NKAIN3: variants seen among roughly 807,000 people sequenced by gnomAD.
The protein encoded by NKAIN3 is sodium/potassium transporting ATPase interacting 3, also known as sodium/potassium-transporting ATPase subunit beta-1-interacting protein 3.
Under a neutral mutation model 30.2 loss-of-function variants are expected in NKAIN3, and 25 were observed. The observed-to-expected ratio is 0.83, with a 90% CI of 0.60 to 1.16. The LOEUF (loss-of-function observed/expected upper bound fraction) is 1.16, where lower values mean the gene tolerates loss of function less well. Among genes scored for constraint, NKAIN3 ranks in the 50% most tolerant of loss-of-function variants. The pLI, the probability that NKAIN3 is intolerant of heterozygous loss-of-function variation, is 0.00. For missense variants in NKAIN3, 225 were observed against 254.1 expected (o/e 0.89, Z 0.78); for synonymous variants, 91 against 89.6 (o/e 1.02, Z -0.09).
rs548023733 is a variant in NKAIN3 at position 62,977,340 on chromosome 8, T to C, written c.*11933T>C. ...CACTTTTAGGTACACCAATCAAACG[T>C]TGGCTTGGTCTTTTCACATAGTCCC... On this transcript the variant is annotated 3_prime_UTR_variant, in exon 7 of 7. Transcript: ENST00000623646. 2.6e-5 allele frequency among the ~76,000 whole-genome samples: 4 copies of C among 152,300 alleles called. No individual in the cohort carries two copies. The South Asian group carries it at 8.3e-4, about 32-fold the overall frequency.
chr8:62,586,010 A>T (rs1409168292), intron 2 of NKAIN3, among the ~76,000 whole-genome samples: 1 of 152,186 alleles, frequency 6.6e-6, no homozygotes, highest in Admixed American at 6.5e-5. Context: ...GAATTAGCAA[A>T]TTTGTTTAAC....
chr8:62,945,780 G>A (rs1307902216), intron 5 of NKAIN3, among the ~76,000 whole-genome samples: 2 of 152,140 alleles, frequency 1.3e-5, no homozygotes, highest in Admixed American at 1.3e-4. Flanking sequence ...GAGGATCCGA[G>A]ACAGAGTTGG....
intron 1 of NKAIN3, among the ~76,000 whole-genome samples, chr8:62,534,010 G>A (rs565655895): frequency 2.6e-5 from 4 of 152,112 alleles, no homozygotes; most frequent in Non-Finnish European, 4.4e-5. Context: ...GACTTCAGAC[G>A]CAACATTACC....
intron 1 of NKAIN3, among the ~76,000 whole-genome samples, chr8:62,415,586 T>G (rs1176837750): frequency 6.6e-6 from 1 of 151,048 alleles, no homozygotes; most frequent in Non-Finnish European, 1.5e-5. Context: ...AATTACAGGT[T>G]ACATATTACG....
intron 1 of NKAIN3, among the ~76,000 whole-genome samples, chr8:62,456,929 C>A (rs1444534836): frequency 1.3e-5 from 2 of 152,212 alleles, no homozygotes; most frequent in Non-Finnish European, 2.9e-5. Flanking sequence ...GTGCTCATGA[C>A]CTTTCTCGTT....
chr8:62,863,863 G>C, intron 4 of NKAIN3: 1 of 1,529,566 alleles, frequency 6.5e-7, no homozygotes, highest in Non-Finnish European at 9.1e-7. Context: ...AGCCACCTTT[G>C]CAGTAGTCCG....
intron 3 of NKAIN3, among the ~76,000 whole-genome samples, chr8:62,718,960 T>C (rs144469290): frequency 3.2e-4 from 48 of 152,302 alleles, no homozygotes; most frequent in Middle Eastern, 3.4e-3. Context: ...CGCACATAAA[T>C]AGATGATTTC....
At chr8:62,361,452 T>C (rs1279872407) in intron 1 of NKAIN3, among the ~76,000 whole-genome samples, 1 of 152,252 alleles carries the variant, frequency 6.6e-6, no homozygotes, top group African/African-American at 2.4e-5. Context: ...TTTTTAAGTG[T>C]TTGTAGAATG....
intron 4 of NKAIN3, among the ~76,000 whole-genome samples, chr8:62,867,788 A>G (rs1417859997): frequency 6.6e-6 from 1 of 152,198 alleles, no homozygotes; most frequent in Non-Finnish European, 1.5e-5. Context: ...TTTCATAACT[A>G]CCCTTCACTG....
intron 4 of NKAIN3, among the ~76,000 whole-genome samples, chr8:62,800,144 A>G (rs1054803930): frequency 2.0e-5 from 3 of 152,226 alleles, no homozygotes; most frequent in Non-Finnish European, 2.9e-5. Flanking sequence ...ATAAATCACC[A>G]CTAAAGAACT....
intron 4 of NKAIN3, chr8:62,863,198 GT>G: frequency 1.3e-6 from 2 of 1,546,646 alleles, no homozygotes; most frequent in Non-Finnish European, 1.8e-6. Context: ...TCCTGCAGGC[GT>G]TTTTCCAATA....
At chr8:62,870,259 T>TCTATATATAGATCTATATATAG (rs1563603986) in intron 4 of NKAIN3, among the ~76,000 whole-genome samples, 5 of 77,878 alleles carry the variant, frequency 6.4e-5, no homozygotes, top group Admixed American at 1.3e-4. Flanking sequence ...TCTATATATA[T>TCTATATATAGATCTATATATAG]ATCTATATAT....
At chr8:62,550,695 T>A (rs535321846) in intron 1 of NKAIN3, among the ~76,000 whole-genome samples, 6 of 152,334 alleles carry the variant, frequency 3.9e-5, no homozygotes, top group Middle Eastern at 3.4e-3. Flanking sequence ...GTGTATTTAA[T>A]GTGACCCAAT....
At chr8:62,626,868 A>G (rs543475344) in intron 3 of NKAIN3, among the ~76,000 whole-genome samples, 1 of 152,290 alleles carries the variant, frequency 6.6e-6, no homozygotes, top group South Asian at 2.1e-4. Flanking sequence ...TGTTGCCTCT[A>G]TGTTGCCAAA....
intron 1 of NKAIN3, among the ~76,000 whole-genome samples, chr8:62,287,316 G>A (rs748867829): frequency 3.3e-5 from 5 of 151,908 alleles, no homozygotes; most frequent in Admixed American, 6.6e-5. Context: ...TAGACTCAGC[G>A]TGATTTCATG....
intron 4 of NKAIN3, among the ~76,000 whole-genome samples, chr8:62,903,341 G>A (rs548592687): frequency 6.6e-6 from 1 of 152,248 alleles, no homozygotes; most frequent in East Asian, 1.9e-4. Context: ...AGGAACAGTA[G>A]GAGCAGCTTG....
At chr8:62,338,940 A>G (rs1358784736) in intron 1 of NKAIN3, among the ~76,000 whole-genome samples, 4 of 152,066 alleles carry the variant, frequency 2.6e-5, no homozygotes, top group African/African-American at 7.2e-5. Flanking sequence ...AGACACACCC[A>G]GGATCAATCC....
intron 4 of NKAIN3, among the ~76,000 whole-genome samples, chr8:62,858,734 C>T (rs1820141461): frequency 6.6e-6 from 1 of 151,712 alleles, no homozygotes; most frequent in African/African-American, 2.4e-5. Flanking sequence ...GTCAACCAAA[C>T]AGCAGAGATG....
chr8:62,909,028 C>T (rs973440895), intron 4 of NKAIN3, among the ~76,000 whole-genome samples: 1 of 152,118 alleles, frequency 6.6e-6, no homozygotes, highest in African/African-American at 2.4e-5. Flanking sequence ...TTTAATCCCT[C>T]TATTTCACAT....
Sources: gnomAD v4.1 joint callset for allele counts (sites outside exome capture counted in the v4.1 genomes callset) on GRCh38, gnomAD v4.1.1 for gene constraint, MANE v1.5 for transcripts, NCBI Gene and HGNC (gene_info 2026-07-23, HGNC 2026-07-21) for gene names.